MGAT3: variants seen among roughly 807,000 people sequenced by gnomAD.
The protein encoded by MGAT3 is GlcNAc-T III.
In MGAT3, 9 loss-of-function variants were observed where a neutral mutation model predicts 29.8. The observed-to-expected ratio is 0.30, with a 90% CI of 0.18 to 0.53. The LOEUF is 0.53. Among genes scored for constraint, MGAT3 ranks in the 20% least tolerant of loss-of-function variants. The probability of loss-of-function intolerance (pLI) is 0.96; values close to 1 mark genes in which losing one functional copy is unlikely to be tolerated. For missense variants in MGAT3, 557 were observed against 769.5 expected (o/e 0.72, Z 3.27); for synonymous variants, 397 against 348.9 (o/e 1.14, Z -1.54).
chr22:39,484,597 T>G (rs2145725608), intron 1 of MGAT3, among the ~76,000 whole-genome samples: 1 of 151,906 alleles, frequency 6.6e-6, no homozygotes, highest in East Asian at 2.0e-4. Flanking sequence ...GGTCTCAAAC[T>G]CCTGACCTCT....
intron 1 of MGAT3, among the ~76,000 whole-genome samples, chr22:39,472,151 G>T (rs890474546): frequency 1.3e-5 from 2 of 152,076 alleles, no homozygotes; most frequent in Admixed American, 6.5e-5. Context: ...CTTGGGCTTG[G>T]AGCCAGCAGT....
At chr22:39,474,908 G>A (rs2145718681) in intron 1 of MGAT3, among the ~76,000 whole-genome samples, 1 of 152,244 alleles carries the variant, frequency 6.6e-6, no homozygotes, top group East Asian at 1.9e-4. Flanking sequence ...GCCCCGGCTG[G>A]GACATCCGCC....
At chr22:39,482,985 A>G (rs996192835) in intron 1 of MGAT3, among the ~76,000 whole-genome samples, 19 of 152,230 alleles carry the variant, frequency 1.2e-4, no homozygotes, top group African/African-American at 3.4e-4. Flanking sequence ...AGCTGGGTCA[A>G]TCTGACCTCA....
chr22:39,459,072 CTTTTT>C (rs3043636), intron 1 of MGAT3, among the ~76,000 whole-genome samples: 15 of 141,330 alleles, frequency 1.1e-4, no homozygotes, highest in Non-Finnish European at 1.7e-4. Flanking sequence ...CTTTTCTTTT[CTTTTT>C]TTTTTTTTTT....
At position 39,486,214 on chromosome 22, in the gene MGAT3, C is replaced by T. The variant is rs144007615; in HGVS notation, c.-1-1133C>T. 1.5e-3 allele frequency: 591 copies of T among 407,516 alleles called. 3 individuals carry two copies. The highest frequency in any genetic ancestry group is 0.012 in the African/African-American group (545 of 45,718). 25.2% of individuals were successfully genotyped at this position (407,516 alleles called of 1,614,324 possible). On this transcript the variant is annotated intron_variant, in intron 1 of 1. Transcript: ENST00000341184. ...AGGTTCTGGAGTGCAATGGCGTGAT[C>T]ATGGCTCACTGCAACTTCCGCCCCC...
At position 39,478,387 on chromosome 22, in the gene MGAT3, T is replaced by C. The variant is rs148897987; in HGVS notation, c.-1-8960T>C. On this transcript the variant is annotated intron_variant, in intron 1 of 1. Coordinates refer to ENST00000341184, the MANE Select transcript of MGAT3 (RefSeq NM_002409.5). ...TGTGACAGCTGGCCCCTTCTCCCAG[T>C]TGGAGGAGTGCCCAGTGGCTGTCCC... Among the ~76,000 whole-genome samples the C allele has an allele frequency of 2.0e-5, 3 of 152,298 alleles. No homozygotes were observed. In the East Asian group the frequency reaches 5.8e-4, roughly 29 times the overall value.
At chr22:39,486,553 C>T (rs1330847350) in intron 1 of MGAT3, among the ~76,000 whole-genome samples, 5 of 151,942 alleles carry the variant, frequency 3.3e-5, no homozygotes, top group East Asian at 3.9e-4. Flanking sequence ...CAGGCTGGGG[C>T]GCAGTGGTGC....
rs567290743 is a variant in MGAT3, at chr22:39,459,123, G to C, written c.-2+1566G>C. 4.4e-3 allele frequency among the ~76,000 whole-genome samples: 669 copies of C among 151,248 alleles called. 7 individuals carry two copies. The highest frequency in any genetic ancestry group is 0.016 in the African/African-American group (645 of 41,106). On this transcript the variant is annotated intron_variant, in intron 1 of 1. Coordinates refer to ENST00000341184, the MANE Select transcript of MGAT3 (RefSeq NM_002409.5). The stretch of plus-strand genomic sequence containing the variant: ...GAGCCTCACTCTGTCGCCCAGGCTG[G>C]AGTGCAGTGGTGCCATCCTGGCTCA...
chr22:39,473,008 G>C (rs992107018), intron 1 of MGAT3: 1 of 152,300 alleles, frequency 6.6e-6, no homozygotes, highest in African/African-American at 2.4e-5. Flanking sequence ...TCACTCACAG[G>C]GAGGGCCAGG....
intron 1 of MGAT3, among the ~76,000 whole-genome samples, chr22:39,464,165 C>T (rs1226167712): frequency 6.6e-6 from 1 of 152,208 alleles, no homozygotes; most frequent in East Asian, 1.9e-4. Context: ...GCTGCCTCTG[C>T]CTCTTCCTGG....
intron 1 of MGAT3, among the ~76,000 whole-genome samples, chr22:39,465,631 C>T (rs1043184505): frequency 3.9e-5 from 6 of 152,032 alleles, no homozygotes; most frequent in South Asian, 2.1e-4. Context: ...ATTTTGGCAC[C>T]GTGGCCCATG....
intron 1 of MGAT3, among the ~76,000 whole-genome samples, chr22:39,461,050 A>T (rs1254485662): frequency 1.3e-5 from 2 of 152,022 alleles, no homozygotes; most frequent in African/African-American, 2.4e-5. Flanking sequence ...ACCGGGGGCA[A>T]TAGTAGGCTG....
chr22:39,471,311 G>C (rs1312207498), intron 1 of MGAT3, among the ~76,000 whole-genome samples: 2 of 152,172 alleles, frequency 1.3e-5, no homozygotes, highest in Non-Finnish European at 2.9e-5. Flanking sequence ...TGGGGGTCTC[G>C]AGGATTTATC....
intron 1 of MGAT3, chr22:39,476,630 C>T (rs914814822): frequency 6.6e-6 from 1 of 152,084 alleles, no homozygotes; most frequent in African/African-American, 2.4e-5. Context: ...TCGCCCAGGC[C>T]ACTTGTGTTG....
chr22:39,470,250 A>T (rs1242260356), intron 1 of MGAT3, among the ~76,000 whole-genome samples: 1 of 152,204 alleles, frequency 6.6e-6, no homozygotes, highest in Non-Finnish European at 1.5e-5. Flanking sequence ...GGGCGGGGGC[A>T]GCACTTCAGC....
At chr22:39,481,719 T>C (rs1929131632) in intron 1 of MGAT3, among the ~76,000 whole-genome samples, 1 of 152,194 alleles carries the variant, frequency 6.6e-6, no homozygotes, top group African/African-American at 2.4e-5. Context: ...TCAGGACAGC[T>C]TTACCACTGG....
chr22:39,485,050 T>C (rs1929233129), intron 1 of MGAT3, among the ~76,000 whole-genome samples: 1 of 151,800 alleles, frequency 6.6e-6, no homozygotes, highest in South Asian at 2.1e-4. Context: ...GAATCAAAAA[T>C]AAAGAGAAGC....
At position 39,487,810 on chromosome 22, in the gene MGAT3, G is replaced by A. The variant is rs762648519; in HGVS notation, c.463G>A (p.Ala155Thr). 6 of 1,492,908 alleles carry A rather than the reference G, an allele frequency of 4.0e-6. No homozygotes were observed. The Admixed American group carries it at 1.5e-4, about 36-fold the overall frequency. The allele number at this position is 1,492,908 out of a possible 1,614,324, so 92.5% of individuals were successfully genotyped here. ...ARRPPRYLLS[A>T]RERTGGRGAR... is the part of the protein sequence containing the mutation. ...GCGGCCACCCCGGTACCTCCTGAGC[G>A]CCCGGGAGCGCACGGGGGGCCGAGG... The change falls in exon 2 of 2, where the codon GCC becomes ACC. Residue 155 changes from alanine to threonine, a missense_variant. Ala to Thr is a moderately conservative substitution (Grantham distance 58). This residue lies in a region of MGAT3 where 212 missense variants were observed against 228.5 expected (regional missense o/e 0.93). Transcript: ENST00000341184. This position sits in a 1 kb window ranked among gnomAD's most constrained non-coding sequence, Gnocchi z 5.7.
Position 39,489,091 on chromosome 22 carries a change from C to A in MGAT3, c.*142C>A. ...TGGGGGTGGGGGTAGGGTTTCCCTA[C>A]TGAAGCCCTTGTGAATCAAGGGTCA... On this transcript the variant is annotated 3_prime_UTR_variant, in exon 2 of 2. Transcript: ENST00000341184. 9.0e-7 allele frequency: 1 copy of A among 1,109,144 alleles called. No individual in the cohort carries two copies. The highest frequency in any genetic ancestry group is 1.3e-6 in the Non-Finnish European group (1 of 788,662). 68.7% of individuals were successfully genotyped at this position (1,109,144 alleles called of 1,614,324 possible).
Sources: gnomAD v4.1 joint callset for allele counts (sites outside exome capture counted in the v4.1 genomes callset) on GRCh38, gnomAD v4.1.1 for gene constraint, gnomAD v4.1.1 regional missense constraint, Gnocchi (gnomAD v3.1) non-coding constraint, MANE v1.5 for transcripts, NCBI Gene and HGNC (gene_info 2026-07-23, HGNC 2026-07-21) for gene names.